ZMYM2: variants seen among roughly 807,000 people sequenced by gnomAD.
ZMYM2 encodes zinc finger MYM-type containing 2, also known as zinc finger MYM-type protein 2.
ZMYM2 carries 56 observed loss-of-function variants against 162.8 expected under a neutral mutation model. The observed-to-expected ratio is 0.34, with a 90% CI of 0.28 to 0.43. The LOEUF (loss-of-function observed/expected upper bound fraction) is 0.43, where lower values mean the gene tolerates loss of function less well. ZMYM2 is among the 20% of genes least tolerant of loss of function. ZMYM2 has a pLI of 1.00. For missense variants in ZMYM2, 1,275 were observed against 1,621.8 expected (o/e 0.79, Z 3.67); for synonymous variants, 510 against 541.6 (o/e 0.94, Z 0.81).
chr13:19,980,739 C>T (rs961933673), intron 2 of ZMYM2, among the ~76,000 whole-genome samples: 12 of 116,298 alleles, frequency 1.0e-4, no homozygotes, highest in South Asian at 2.7e-4. Context: ...GGTGACAGAG[C>T]GAGACTCCAT....
chr13:19,872,410 C>A, the ZMYM2 span, among the ~76,000 whole-genome samples: 1 of 151,938 alleles, frequency 6.6e-6, no homozygotes, highest in Admixed American at 6.6e-5. Context: ...ATTAGCCAGG[C>A]ATGGTGGTGG....
At chr13:19,988,422 A>G (rs540551272) in intron 2 of ZMYM2, among the ~76,000 whole-genome samples, 2 of 152,118 alleles carry the variant, frequency 1.3e-5, no homozygotes, top group Non-Finnish European at 2.9e-5. Context: ...TCTTTCCTCA[A>G]ATATTTGGGA....
At chr13:20,004,437 A>G (rs1223174804) in intron 4 of ZMYM2, among the ~76,000 whole-genome samples, 1 of 152,050 alleles carries the variant, frequency 6.6e-6, no homozygotes, top group African/African-American at 2.4e-5. Flanking sequence ...TTGTGTTTTT[A>G]GTAGAGACGG....
chr13:20,009,195 C>T lies in ZMYM2; in HGVS notation c.1512+2609C>T, dbSNP rs952255619. Among the ~76,000 whole-genome samples the T allele has an allele frequency of 3.9e-5, 6 of 152,120 alleles. No individual in the cohort carries two copies. In the South Asian group the frequency reaches 1.0e-3, roughly 26 times the overall value. Reference sequence around the variant, plus strand: ...ATTTCCTGTGAAAATATAATTTCCCCAACTGGACTTCAGCGCAGACAAAAT... The same window carrying T: ...ATTTCCTGTGAAAATATAATTTCCCTAACTGGACTTCAGCGCAGACAAAAT... On this transcript the variant is annotated intron_variant, in intron 6 of 24. Transcript: ENST00000610343.
At chr13:19,868,371 A>G in the ZMYM2 span, among the ~76,000 whole-genome samples, 6 of 152,220 alleles carry the variant, frequency 3.9e-5, no homozygotes, top group Non-Finnish European at 7.4e-5. Context: ...GGTCATTTCA[A>G]CTTTGCTTCT....
At chr13:19,955,520 G>A (rs1421569838), upstream of ZMYM2, among the ~76,000 whole-genome samples, 2 of 152,174 alleles carry the variant, frequency 1.3e-5, no homozygotes, top group Admixed American at 1.3e-4. Context: ...TGTGCTCAGA[G>A]TCAGTTTTAC....
the ZMYM2 span, among the ~76,000 whole-genome samples, chr13:19,931,138 C>CTCA: frequency 7.8e-6 from 1 of 127,576 alleles, no homozygotes; most frequent in African/African-American, 3.3e-5. Context: ...GACTCTCTCT[C>CTCA]AAAAAAAAAA....
chr13:20,057,049 C>G (rs1280580438), intron 14 of ZMYM2, among the ~76,000 whole-genome samples: 1 of 152,134 alleles, frequency 6.6e-6, no homozygotes, highest in Admixed American at 6.5e-5. Context: ...AGCGCAGTAC[C>G]TCATCACACA....
At chr13:19,918,148 T>A in the ZMYM2 span, among the ~76,000 whole-genome samples, 10 of 152,128 alleles carry the variant, frequency 6.6e-5, no homozygotes, top group African/African-American at 1.4e-4. Flanking sequence ...TAATAAATTT[T>A]AAAACCTTTT....
At chr13:19,881,576 G>A in the ZMYM2 span, among the ~76,000 whole-genome samples, 2 of 151,838 alleles carry the variant, frequency 1.3e-5, no homozygotes, top group Non-Finnish European at 2.9e-5. Flanking sequence ...GAGCTGAGAT[G>A]TTGCCACTGC....
At chr13:20,076,846 ATTTTT>A (rs917008297) in intron 21 of ZMYM2, among the ~76,000 whole-genome samples, 6 of 149,502 alleles carry the variant, frequency 4.0e-5, no homozygotes, top group Non-Finnish European at 7.4e-5. Context: ...ATTTTATTTT[ATTTTT>A]TTTGAGACGG....
intron 7 of ZMYM2, 41 bp downstream of exon 7, chr13:20,019,659 T>G (rs775362838): frequency 6.6e-7 from 1 of 1,517,824 alleles, no homozygotes. Flanking sequence ...CTTAACATTT[T>G]TGAGCACTGC....
At chr13:20,062,335 C>A (rs1956294295) in intron 17 of ZMYM2, among the ~76,000 whole-genome samples, 1 of 152,164 alleles carries the variant, frequency 6.6e-6, no homozygotes, top group Non-Finnish European at 1.5e-5. Flanking sequence ...CTGTTCCCCA[C>A]CATCACCTTG....
At chr13:19,934,152 G>T in the ZMYM2 span, among the ~76,000 whole-genome samples, 195 of 150,658 alleles carry the variant, frequency 1.3e-3, no homozygotes, top group African/African-American at 4.5e-3. Context: ...ATTCATACTC[G>T]TATTTTGTTT....
chr13:19,974,620 C>T (rs947136296), intron 2 of ZMYM2, among the ~76,000 whole-genome samples: 5 of 151,820 alleles, frequency 3.3e-5, no homozygotes, highest in African/African-American at 7.3e-5. Flanking sequence ...TACAGGCACC[C>T]GCCACCACAC....
At chr13:19,953,140 TGA>T in the ZMYM2 span, among the ~76,000 whole-genome samples, 1 of 152,142 alleles carries the variant, frequency 6.6e-6, no homozygotes, top group Admixed American at 6.5e-5. Context: ...TCCAGAATGG[TGA>T]GTCAGTAAAT....
chr13:19,949,181 G>A, the ZMYM2 span, among the ~76,000 whole-genome samples: 68 of 152,040 alleles, frequency 4.5e-4, 2 homozygotes, highest in Middle Eastern at 0.031. Flanking sequence ...AGGCCGAGGC[G>A]AATGAATCAC....
In ZMYM2 at chr13:20,002,943, T is replaced by G; in HGVS notation, c.941T>G (p.Ile314Ser). Residue 314 changes from isoleucine to serine, a missense_variant, in exon 4 of 25, where the codon ATT becomes AGT. Transcript: ENST00000610343. ...CCAGTGGCCTCACTTCCTAAACAGATTTTCCAGCCGTCTGTCCAACAGCAG... is the reference window on the plus strand; with the variant it reads ...CCAGTGGCCTCACTTCCTAAACAGAGTTTCCAGCCGTCTGTCCAACAGCAG... ...LSPVASLPKQ[I>S]FQPSVQQQPT... The G allele has an allele frequency of 4.3e-6, 7 of 1,614,138 alleles. No individual in the cohort carries two copies. The highest frequency in any genetic ancestry group is 5.9e-6 in the Non-Finnish European group (7 of 1,180,032).
the ZMYM2 span, among the ~76,000 whole-genome samples, chr13:19,870,982 A>G: frequency 6.6e-6 from 1 of 152,124 alleles, no homozygotes; most frequent in Non-Finnish European, 1.5e-5. Context: ...TGCTTCCCAC[A>G]GTCAAGCAGA....
Sources: allele counts gnomAD v4.1 joint callset (sites outside exome capture counted in the v4.1 genomes callset), GRCh38; gene constraint gnomAD v4.1.1; transcripts MANE v1.5; gene names NCBI Gene and HGNC (gene_info 2026-07-23, HGNC 2026-07-21).